Variants in AFG3L2 observed in about 807,000 individuals in gnomAD.
AFG3L2 encodes mitochondrial inner membrane m-AAA protease component AFG3L2.
A neutral mutation model predicts 94.5 loss-of-function variants in AFG3L2; 54 were observed. That is an observed-to-expected ratio of 0.57 (90% CI 0.46 to 0.72). AFG3L2 has a LOEUF of 0.72. AFG3L2 is among the 30% of genes least tolerant of loss of function. The pLI is 0.00. For synonymous variants in AFG3L2, 377 were observed against 365.5 expected (o/e 1.03, Z -0.36); for missense variants, 754 against 994.9 (o/e 0.76, Z 3.26).
chr18:12,373,575 A>G lies in AFG3L2; in HGVS notation c.115-1884T>C, dbSNP rs367716291. Among the ~76,000 whole-genome samples, 9 of 152,334 alleles carry G rather than the reference A, an allele frequency of 5.9e-5. No homozygotes were observed. The East Asian group carries it at 1.2e-3, about 20-fold the overall frequency. On this transcript the variant is annotated intron_variant, in intron 1 of 16. Coordinates refer to ENST00000269143, the MANE Select transcript of AFG3L2 (RefSeq NM_006796.3). ...TAGTCTTAGTCCTTTCTGTTCCGCT[A>G]TAACAGAGTGCCTGAAGCTGGGTAA...
At chr18:12,330,132 C>T (rs1377745601) in intron 16 of AFG3L2, among the ~76,000 whole-genome samples, 2 of 152,126 alleles carry the variant, frequency 1.3e-5, no homozygotes, top group Non-Finnish European at 2.9e-5. Context: ...CAAGACCATC[C>T]TGGCCAACAG....
In AFG3L2 at chr18:12,340,230, T is replaced by G. The variant is rs764254189; in HGVS notation, c.1951A>C (p.Arg651=). Reference sequence around the variant, plus strand: ...GCATATGCACTCTGAGTTACTTTTCTCAAGTCATCTTGAGCACCAGTTGTA... The same window carrying G: ...GCATATGCACTCTGAGTTACTTTTCGCAAGTCATCTTGAGCACCAGTTGTA... The part of the protein sequence containing the change: ...RITTGAQDDL[R]KVTQSAYAQI... The change falls in exon 15 of 17, where the codon AGA becomes CGA. Residue 651 remains arginine (R), a synonymous_variant. Transcript: ENST00000269143. The G allele has an allele frequency of 9.3e-6, 15 of 1,614,000 alleles. No homozygotes were observed. The East Asian group carries it at 3.3e-4, about 36-fold the overall frequency.
At chr18:12,343,869 G>T in intron 14 of AFG3L2, 1 of 534,134 alleles carries the variant, frequency 1.9e-6, no homozygotes, top group South Asian at 2.1e-5. Flanking sequence ...CAAACCCACT[G>T]CAACTGCTGC....
At chr18:12,345,813 A>G (rs2143146707) in intron 13 of AFG3L2, among the ~76,000 whole-genome samples, 1 of 152,326 alleles carries the variant, frequency 6.6e-6, no homozygotes, top group South Asian at 2.1e-4. Context: ...ATTTTGCTTC[A>G]TTCCATTCAC....
At chr18:12,345,700 G>A (rs1908112009) in intron 13 of AFG3L2, among the ~76,000 whole-genome samples, 1 of 152,150 alleles carries the variant, frequency 6.6e-6, no homozygotes, top group South Asian at 2.1e-4. Context: ...ACCTGCGGCT[G>A]CGTGGCTGCC....
chr18:12,372,904 T>C (rs1399997240), intron 1 of AFG3L2, among the ~76,000 whole-genome samples: 1 of 152,228 alleles, frequency 6.6e-6, no homozygotes, highest in African/African-American at 2.4e-5. Flanking sequence ...GCGAAATGAT[T>C]ACTAATGGTC....
chr18:12,360,191 G>A (rs1490775389), intron 6 of AFG3L2, 140 bp from the exon 7 acceptor site: 3 of 808,042 alleles, frequency 3.7e-6, no homozygotes, highest in Non-Finnish European at 5.8e-6. Flanking sequence ...TAAAAGACTG[G>A]CTTTAATAAT....
intron 12 of AFG3L2, among the ~76,000 whole-genome samples, chr18:12,349,473 T>C (rs997117517): frequency 6.6e-6 from 1 of 152,158 alleles, no homozygotes; most frequent in Non-Finnish European, 1.5e-5. Flanking sequence ...TTATTCATAA[T>C]AGCCAAAAAG....
chr18:12,341,655 T>C (rs1169938999), intron 14 of AFG3L2: 2 of 152,210 alleles, frequency 1.3e-5, no homozygotes, highest in Non-Finnish European at 2.9e-5. Context: ...AAATATCCAT[T>C]TCATTCTTGA....
chr18:12,376,956 A>G lies in AFG3L2; in HGVS notation c.114+13T>C. The G allele has an allele frequency of 6.9e-7, 1 of 1,445,334 alleles. No individual in the cohort carries two copies. Among genetic ancestry groups the G allele is most frequent in the Non-Finnish European group, 9.1e-7 (1 of 1,101,310 alleles). The allele number at this position is 1,445,334 out of a possible 1,614,324, so 89.5% of individuals were successfully genotyped here. On this transcript the variant is annotated intron_variant, in intron 1 of 16. Coordinates refer to ENST00000269143, the MANE Select transcript of AFG3L2 (RefSeq NM_006796.3). ...GCAGGGTGGAGGGCGCCGGGCGCCC[A>G]GGTAGGACTCACCGTCCGGAGGCAG...
intron 14 of AFG3L2, chr18:12,343,192 T>C (rs1332652852): frequency 6.6e-6 from 1 of 152,268 alleles, no homozygotes. Flanking sequence ...TTTTAGATGC[T>C]ACTGAAATTG....
intron 3 of AFG3L2, among the ~76,000 whole-genome samples, chr18:12,368,282 C>A (rs1908871019): frequency 2.0e-5 from 3 of 152,190 alleles, no homozygotes; most frequent in Non-Finnish European, 2.9e-5. Flanking sequence ...TCGCTTGAGT[C>A]CTAGAGTTTG....
chr18:12,360,474 A>G (rs1908625820), intron 6 of AFG3L2, among the ~76,000 whole-genome samples: 1 of 152,238 alleles, frequency 6.6e-6, no homozygotes, highest in Non-Finnish European at 1.5e-5. Context: ...AGTACCAGGC[A>G]TTGTTCTGGG....
At chr18:12,339,029 C>T (rs1407348382) in intron 15 of AFG3L2, among the ~76,000 whole-genome samples, 4 of 151,856 alleles carry the variant, frequency 2.6e-5, no homozygotes, top group South Asian at 2.1e-4. Flanking sequence ...CCAAGGCGGG[C>T]GGATCACCAG....
intron 15 of AFG3L2, among the ~76,000 whole-genome samples, chr18:12,337,739 G>A (rs1054024163): frequency 2.0e-5 from 3 of 152,160 alleles, no homozygotes; most frequent in African/African-American, 7.2e-5. Context: ...AAGTTAGGAC[G>A]CAAATCCCAA....
In AFG3L2 at chr18:12,366,858, T is replaced by G. The variant is rs997705025; in HGVS notation, c.552+107A>C. 83 of 1,468,778 alleles carry G rather than the reference T, an allele frequency of 5.7e-5. No homozygotes were observed. The African/African-American group carries it at 1.1e-3, about 19-fold the overall frequency. The allele number at this position is 1,468,778 out of a possible 1,614,324, so 91.0% of individuals were successfully genotyped here. On this transcript the variant is annotated intron_variant, in intron 5 of 16. Coordinates refer to ENST00000269143, the MANE Select transcript of AFG3L2 (RefSeq NM_006796.3). The stretch of plus-strand genomic sequence containing the variant: ...GAAAAATCTGAGTGAAAATAACAAT[T>G]TTACAATGGACGAGCCAGGTTAACC...
intron 1 of AFG3L2, among the ~76,000 whole-genome samples, chr18:12,372,917 A>G (rs535278540): frequency 1.8e-4 from 27 of 152,322 alleles, no homozygotes; most frequent in African/African-American, 6.3e-4. Context: ...TAATGGTCGC[A>G]GGGCTTCTTT....
intron 3 of AFG3L2, among the ~76,000 whole-genome samples, chr18:12,368,676 C>T (rs1006637669): frequency 1.3e-5 from 2 of 152,152 alleles, no homozygotes; most frequent in African/African-American, 4.8e-5. Context: ...TCTCAGCTCA[C>T]TGCAACCTCT....
intron 6 of AFG3L2, among the ~76,000 whole-genome samples, chr18:12,360,872 C>T (rs1908639125): frequency 6.6e-6 from 1 of 152,168 alleles, no homozygotes; most frequent in Non-Finnish European, 1.5e-5. Flanking sequence ...GTCCTAACCA[C>T]AATGTCACAC....
Sources: allele counts gnomAD v4.1 joint callset (sites outside exome capture counted in the v4.1 genomes callset), GRCh38; gene constraint gnomAD v4.1.1; transcripts MANE v1.5; gene names NCBI Gene and HGNC (gene_info 2026-07-23, HGNC 2026-07-21).